SLC5A4: variants seen among roughly 807,000 people sequenced by gnomAD.
The protein encoded by SLC5A4 is solute carrier family 5 member 4.
Under a neutral mutation model 70.3 loss-of-function variants are expected in SLC5A4, and 55 were observed. The observed-to-expected ratio is 0.78, with a 90% CI of 0.63 to 0.98. SLC5A4 has a LOEUF of 0.98. Ranked by LOEUF, SLC5A4 falls within the 50% of genes least tolerant of loss-of-function variation. The pLI is 0.00. For synonymous variants in SLC5A4, 268 were observed against 305.7 expected (o/e 0.88, Z 1.29); for missense variants, 735 against 839.2 (o/e 0.88, Z 1.53).
the SLC5A4 span, among the ~76,000 whole-genome samples, chr22:32,333,100 G>C: frequency 6.6e-6 from 1 of 152,138 alleles, no homozygotes; most frequent in South Asian, 2.1e-4. Flanking sequence ...GCCGAGGAGG[G>C]ACGTGGCCTG....
intron 9 of SLC5A4, 139 bp from the exon 10 acceptor site, chr22:32,231,214 T>C (rs1393413753): frequency 4.6e-6 from 3 of 656,134 alleles, no homozygotes; most frequent in African/African-American, 3.6e-5. Context: ...TTGAACTCCA[T>C]ATCATAGATC....
chr22:32,301,973 C>T, the SLC5A4 span, among the ~76,000 whole-genome samples: 32 of 152,102 alleles, frequency 2.1e-4, no homozygotes, highest in South Asian at 6.7e-3. Context: ...TTCCCATATA[C>T]AAAATTAACT....
At chr22:32,291,490 T>C in the SLC5A4 span, among the ~76,000 whole-genome samples, 1 of 152,230 alleles carries the variant, frequency 6.6e-6, no homozygotes, top group Non-Finnish European at 1.5e-5. Context: ...CTGTTCTATT[T>C]TTAATTTGTG....
chr22:32,249,297 G>A (rs751250109), intron 3 of SLC5A4, among the ~76,000 whole-genome samples: 1 of 152,176 alleles, frequency 6.6e-6, no homozygotes, highest in African/African-American at 2.4e-5. Flanking sequence ...GATATGAGAA[G>A]CACAGTTATT....
chr22:32,344,064 C>T, the SLC5A4 span, among the ~76,000 whole-genome samples: 3 of 152,086 alleles, frequency 2.0e-5, no homozygotes, highest in Non-Finnish European at 4.4e-5. Context: ...AGCGCTATGG[C>T]AGTGAGGGTG....
upstream of SLC5A4, among the ~76,000 whole-genome samples, chr22:32,255,598 G>T (rs190524263): frequency 6.6e-5 from 10 of 152,218 alleles, no homozygotes; most frequent in South Asian, 2.1e-4. Flanking sequence ...CAAAGACAGG[G>T]TCTTTAAAGA....
rs758688121 is a variant in SLC5A4, at chr22:32,224,457, C to T, written c.1475G>A (p.Gly492Glu). ...CATACGAATGAGGCCCATTGCAAGT[C>T]CAACCATTAGACCCCAGAATGCTCC... ...EQGAFWGLMV[G>E]LAMGLIRMIT... is the part of the protein sequence containing the mutation. Residue 492 changes from glycine to glutamate, a missense_variant, in exon 13 of 15, where the codon GGA (glycine) becomes GAA (glutamate). Physicochemically the swap from Gly to Glu is moderately conservative, Grantham distance 98. Coordinates refer to ENST00000266086, the MANE Select transcript of SLC5A4 (RefSeq NM_014227.3). 6.2e-7 allele frequency: 1 copy of T among 1,613,942 alleles called. No homozygotes were observed. The highest frequency in any genetic ancestry group is 8.5e-7 in the Non-Finnish European group (1 of 1,179,918).
At chr22:32,339,674 C>T in the SLC5A4 span, among the ~76,000 whole-genome samples, 3 of 152,304 alleles carry the variant, frequency 2.0e-5, no homozygotes, top group Admixed American at 6.5e-5. Flanking sequence ...TTCAAGGCTG[C>T]GAAAGACCTT....
chr22:32,237,885 TGA>T (rs1346124887), intron 6 of SLC5A4, among the ~76,000 whole-genome samples: 2 of 152,148 alleles, frequency 1.3e-5, no homozygotes, highest in African/African-American at 4.8e-5. Flanking sequence ...ATTCCCTTTA[TGA>T]GAGTGTCATG....
the SLC5A4 span, among the ~76,000 whole-genome samples, chr22:32,342,750 A>G: frequency 6.6e-6 from 1 of 152,238 alleles, no homozygotes; most frequent in Non-Finnish European, 1.5e-5. Flanking sequence ...TGGATTCCCA[A>G]ACATGCCAGC....
the SLC5A4 span, among the ~76,000 whole-genome samples, chr22:32,338,742 G>A: frequency 6.6e-6 from 1 of 152,152 alleles, no homozygotes; most frequent in Non-Finnish European, 1.5e-5. Flanking sequence ...GCCCTCAAAA[G>A]CTGCCTCACT....
chr22:32,331,558 G>A, the SLC5A4 span, among the ~76,000 whole-genome samples: 4,094 of 152,216 alleles, frequency 0.027, 63 homozygotes, highest in African/African-American at 0.039. Context: ...AGAAGCTGGC[G>A]GGCAACCCAG....
At chr22:32,292,109 A>C in the SLC5A4 span, among the ~76,000 whole-genome samples, 6 of 129,786 alleles carry the variant, frequency 4.6e-5, no homozygotes, top group African/African-American at 1.5e-4. Flanking sequence ...TATTATATAT[A>C]ATATATAATA....
chr22:32,305,695 G>T, the SLC5A4 span, among the ~76,000 whole-genome samples: 1 of 130,088 alleles, frequency 7.7e-6, no homozygotes, highest in African/African-American at 3.0e-5. Flanking sequence ...CAGTGTGAGG[G>T]ACGGTGGCTT....
chr22:32,354,076 C>T, the SLC5A4 span, among the ~76,000 whole-genome samples: 1 of 151,116 alleles, frequency 6.6e-6, no homozygotes, highest in Non-Finnish European at 1.5e-5. Flanking sequence ...AATGTGGCCC[C>T]AGGTAGCACA....
At chr22:32,307,240 A>C in the SLC5A4 span, among the ~76,000 whole-genome samples, 15 of 152,158 alleles carry the variant, frequency 9.9e-5, no homozygotes, top group Non-Finnish European at 2.2e-4. Context: ...TGATGTGAAG[A>C]TAGGAGTTTT....
At chr22:32,222,048 C>T (rs925797888) in intron 13 of SLC5A4, among the ~76,000 whole-genome samples, 5 of 152,184 alleles carry the variant, frequency 3.3e-5, no homozygotes, top group Non-Finnish European at 5.9e-5. Flanking sequence ...TGAGCCACTG[C>T]GCCCAGCCTA....
chr22:32,317,038 G>GA, the SLC5A4 span, among the ~76,000 whole-genome samples: 1 of 151,292 alleles, frequency 6.6e-6, no homozygotes, highest in African/African-American at 2.4e-5. Flanking sequence ...AGGCCACAAA[G>GA]AAAGTAAATT....
At chr22:32,352,534 A>T in the SLC5A4 span, among the ~76,000 whole-genome samples, 1 of 152,096 alleles carries the variant, frequency 6.6e-6, no homozygotes, top group Non-Finnish European at 1.5e-5. Context: ...TGCCAGCAGG[A>T]GGAGGGCGCC....
Sources: gnomAD v4.1 joint callset for allele counts (sites outside exome capture counted in the v4.1 genomes callset) on GRCh38, gnomAD v4.1.1 for gene constraint, MANE v1.5 for transcripts, NCBI Gene and HGNC (gene_info 2026-07-23, HGNC 2026-07-21) for gene names.